Variants in RAB3B observed in about 807,000 individuals in gnomAD.
RAB3B encodes RAB3B, member RAS oncogene family, also known as ras-related protein Rab-3B.
In RAB3B, 11 loss-of-function variants were observed where a neutral mutation model predicts 20.5. The ratio of observed to expected loss-of-function variants is 0.54; its 90% CI spans 0.34 to 0.89. RAB3B has a LOEUF of 0.89. Among genes scored for constraint, RAB3B ranks in the 40% least tolerant of loss-of-function variants. The probability of loss-of-function intolerance (pLI) is 0.02; values close to 1 mark genes in which losing one functional copy is unlikely to be tolerated. For missense variants in RAB3B, 225 were observed against 280.9 expected (o/e 0.80, Z 1.42); for synonymous variants, 99 against 106.3 (o/e 0.93, Z 0.42).
intron 2 of RAB3B, among the ~76,000 whole-genome samples, chr1:51,954,890 A>G (rs1329632596): frequency 2.0e-5 from 3 of 152,252 alleles, no homozygotes; most frequent in Non-Finnish European, 4.4e-5. Context: ...GGAAGTAGGA[A>G]GTGAGGCTGT....
intron 2 of RAB3B, among the ~76,000 whole-genome samples, chr1:51,971,580 C>T (rs1473825286): frequency 6.6e-6 from 1 of 151,922 alleles, no homozygotes; most frequent in African/African-American, 2.4e-5. Flanking sequence ...TTACAGGAGC[C>T]TGCCACCACG....
rs1446609360 is a variant in RAB3B, at chr1:51,917,765, G to C, written c.*2162C>G. The C allele has an allele frequency of 6.6e-6, 1 of 152,288 alleles. No individual in the cohort carries two copies. The highest frequency in any genetic ancestry group is 2.4e-5 in the African/African-American group (1 of 41,420). The allele number at this position is 152,288 out of a possible 1,614,324, so 9.4% of individuals were successfully genotyped here. On this transcript the variant is annotated 3_prime_UTR_variant, in exon 5 of 5. Transcript: ENST00000371655. ...GATAGAATTTGACCACATTGCCCAG[G>C]CTGGTCTCAAACTCCTGGCCTCAAG...
intron 1 of RAB3B, among the ~76,000 whole-genome samples, chr1:51,987,462 GT>G (rs954526547): frequency 1.6e-4 from 24 of 152,120 alleles, no homozygotes; most frequent in Non-Finnish European, 3.1e-4. Context: ...ATGGGAGGGT[GT>G]TTTATTAACC....
rs1491223921 is a variant in RAB3B, at chr1:51,912,554, A to AAAAAATATAT, written c.*7372_*7373insATATATTTTT. ...AGACCGTCTCTATTAAAAAAAAAAA[A>AAAAAATATAT]ATATATATATATATATATATATATA... is the stretch of plus-strand genomic sequence containing the variant. On this transcript the variant is annotated 3_prime_UTR_variant, in exon 5 of 5. Coordinates refer to ENST00000371655, the MANE Select transcript of RAB3B (RefSeq NM_002867.4). 11 of 15,498 alleles carry AAAAAATATAT rather than the reference A, an allele frequency of 7.1e-4. No individual in the cohort carries two copies. The highest frequency in any genetic ancestry group is 1.0e-3 in the Non-Finnish European group (7 of 6,826). 1.0% of individuals were successfully genotyped at this position (15,498 alleles called of 1,614,324 possible). A position where few individuals can be genotyped will look rare whatever the true frequency, so the allele number is the denominator to read the frequency against.
chr1:51,918,755 A>G lies in RAB3B; in HGVS notation c.*1172T>C, dbSNP rs530160006. 3.3e-5 allele frequency: 5 copies of G among 152,340 alleles called. No individual in the cohort carries two copies. The South Asian group carries it at 1.0e-3, about 32-fold the overall frequency. The allele number at this position is 152,340 out of a possible 1,614,324, so 9.4% of individuals were successfully genotyped here. ...TAAATTTGGGCATCCCGTCAAATCT[A>G]AAATCCTCAGGTTCTAGGAGTCTAA... is the stretch of plus-strand genomic sequence containing the variant. On this transcript the variant is annotated 3_prime_UTR_variant, in exon 5 of 5. Coordinates refer to ENST00000371655, the MANE Select transcript of RAB3B (RefSeq NM_002867.4).
chr1:51,955,946 G>C (rs1684701786), intron 2 of RAB3B, among the ~76,000 whole-genome samples: 1 of 152,144 alleles, frequency 6.6e-6, no homozygotes. Flanking sequence ...TCTAAAAATA[G>C]GATCAACACT....
At chr1:51,989,444 C>G (rs1417478584) in intron 1 of RAB3B, among the ~76,000 whole-genome samples, 1 of 151,838 alleles carries the variant, frequency 6.6e-6, no homozygotes, top group Non-Finnish European at 1.5e-5. Context: ...GTGCCTGGGT[C>G]CCCTCCTTGG....
At chr1:51,968,016 A>G (rs906737931) in intron 2 of RAB3B, among the ~76,000 whole-genome samples, 3 of 152,172 alleles carry the variant, frequency 2.0e-5, no homozygotes, top group African/African-American at 7.2e-5. Context: ...TGTTTTTATA[A>G]GAGACAAGGA....
intron 4 of RAB3B, among the ~76,000 whole-genome samples, chr1:51,923,765 T>C (rs1052934584): frequency 1.3e-5 from 2 of 150,186 alleles, no homozygotes; most frequent in Admixed American, 1.3e-4. Flanking sequence ...TAGGTGCTAG[T>C]GGCTCAAGCC....
In RAB3B at chr1:51,907,967, A is replaced by G. The variant is rs1268657035; in HGVS notation, c.*11960T>C. 1 of 152,214 alleles carries G rather than the reference A, an allele frequency of 6.6e-6. No individual in the cohort carries two copies. Among genetic ancestry groups the G allele is most frequent in the Non-Finnish European group, 1.5e-5 (1 of 68,044 alleles). 9.4% of individuals were successfully genotyped at this position (152,214 alleles called of 1,614,324 possible). ...CTCTACAAATGATACACAATTCAGA[A>G]GAACTTTAATGCATATACCATCATT... is the stretch of plus-strand genomic sequence containing the variant. On this transcript the variant is annotated 3_prime_UTR_variant, in exon 5 of 5. Transcript: ENST00000371655.
intron 2 of RAB3B, among the ~76,000 whole-genome samples, chr1:51,949,475 C>T (rs1428031402): frequency 1.3e-5 from 2 of 152,236 alleles, no homozygotes; most frequent in Non-Finnish European, 2.9e-5. Context: ...CCCGTGGCCA[C>T]TGCAACCGCA....
intron 4 of RAB3B, among the ~76,000 whole-genome samples, chr1:51,925,920 T>C (rs2251411): frequency 0.79 from 120,134 of 152,202 alleles, 48,145 homozygotes; most frequent in East Asian, 0.99. Context: ...AGCTAAAAGA[T>C]GCTGGAACCA....
intron 1 of RAB3B, chr1:51,980,429 C>CAAAAA: frequency 2.6e-6 from 1 of 385,744 alleles, no homozygotes; most frequent in Non-Finnish European, 4.7e-6. Flanking sequence ...CTGTCTCTAC[C>CAAAAA]AAAAAAAAAA....
At chr1:51,974,452 T>C (rs900763733) in intron 2 of RAB3B, among the ~76,000 whole-genome samples, 7 of 152,190 alleles carry the variant, frequency 4.6e-5, no homozygotes, top group African/African-American at 1.7e-4. Flanking sequence ...AATTCCAAGG[T>C]GATGCTGATG....
chr1:51,941,514 A>C (rs934697826), intron 2 of RAB3B, among the ~76,000 whole-genome samples: 1 of 152,188 alleles, frequency 6.6e-6, no homozygotes, highest in Non-Finnish European at 1.5e-5. Context: ...TAGAGTAAGA[A>C]CAGATTCATT....
At chr1:51,938,066 A>G (rs949213222) in intron 2 of RAB3B, among the ~76,000 whole-genome samples, 4 of 148,364 alleles carry the variant, frequency 2.7e-5, no homozygotes, top group African/African-American at 1.0e-4. Flanking sequence ...CCCTGGCACA[A>G]TCATAGCTCA....
chr1:51,966,671 G>A (rs1372279129), intron 2 of RAB3B, among the ~76,000 whole-genome samples: 1 of 152,144 alleles, frequency 6.6e-6, no homozygotes, highest in Non-Finnish European at 1.5e-5. Context: ...TACAGGCTTT[G>A]GGGAGATAAA....
chr1:51,908,174 T>A lies in RAB3B; in HGVS notation c.*11753A>T, dbSNP rs1002905581. The A allele has an allele frequency of 6.6e-6, 1 of 152,154 alleles. No individual in the cohort carries two copies. The highest frequency in any genetic ancestry group is 1.5e-5 in the Non-Finnish European group (1 of 68,020). 9.4% of individuals were successfully genotyped at this position (152,154 alleles called of 1,614,324 possible). A position where few individuals can be genotyped will look rare whatever the true frequency, so the allele number is the denominator to read the frequency against. Reference sequence around the variant, plus strand: ...AACACATGACATTTCATATTTCATATGCCACTGAGAAGAGGTGTCAGTATA... The same window carrying A: ...AACACATGACATTTCATATTTCATAAGCCACTGAGAAGAGGTGTCAGTATA... On this transcript the variant is annotated 3_prime_UTR_variant, in exon 5 of 5. Transcript: ENST00000371655.
intron 2 of RAB3B, among the ~76,000 whole-genome samples, chr1:51,956,725 G>A (rs1037503318): frequency 2.0e-5 from 3 of 152,174 alleles, no homozygotes. Flanking sequence ...CCTCCTGTAT[G>A]ACTCGCATTT....
Sources: allele counts gnomAD v4.1 joint callset (sites outside exome capture counted in the v4.1 genomes callset), GRCh38; gene constraint gnomAD v4.1.1; transcripts MANE v1.5; gene names NCBI Gene and HGNC (gene_info 2026-07-23, HGNC 2026-07-21).